PHACTR1: variants seen among roughly 807,000 people sequenced by gnomAD.
PHACTR1 encodes the protein RPEL repeat containing 1.
A neutral mutation model predicts 69.2 loss-of-function variants in PHACTR1; 16 were observed. The observed-to-expected ratio is 0.23, with a 90% CI of 0.16 to 0.35. The LOEUF is 0.35. Among genes scored for constraint, PHACTR1 ranks in the 10% least tolerant of loss-of-function variants. The pLI is 1.00. For missense variants in PHACTR1, 510 were observed against 734.7 expected (o/e 0.69, Z 3.54); for synonymous variants, 312 against 284.5 (o/e 1.10, Z -0.97).
chr6:13,109,437 A>G (rs1000594745), intron 5 of PHACTR1, among the ~76,000 whole-genome samples: 2 of 151,590 alleles, frequency 1.3e-5, no homozygotes, highest in East Asian at 3.9e-4. Flanking sequence ...TTTTTTTTCT[A>G]TAATATAAAC....
At chr6:12,830,421 T>C (rs1561924424) in intron 4 of PHACTR1, among the ~76,000 whole-genome samples, 1 of 151,814 alleles carries the variant, frequency 6.6e-6, no homozygotes, top group Non-Finnish European at 1.5e-5. Context: ...ATATTTAAGC[T>C]CACCTTGATG....
intron 4 of PHACTR1, among the ~76,000 whole-genome samples, chr6:12,834,668 A>C (rs1421690703): frequency 6.6e-6 from 1 of 152,184 alleles, no homozygotes; most frequent in Non-Finnish European, 1.5e-5. Flanking sequence ...TAATACCAAA[A>C]ATAGTTTACC....
intron 4 of PHACTR1, among the ~76,000 whole-genome samples, chr6:12,963,530 C>T (rs954940745): frequency 6.6e-6 from 1 of 151,852 alleles, no homozygotes; most frequent in Non-Finnish European, 1.5e-5. Flanking sequence ...CATTTAGTAA[C>T]TTGTAAAACA....
chr6:12,787,614 C>T (rs996991120), intron 4 of PHACTR1, among the ~76,000 whole-genome samples: 5 of 152,178 alleles, frequency 3.3e-5, no homozygotes, highest in Non-Finnish European at 5.9e-5. Flanking sequence ...CAGTGTGGCT[C>T]TGATTTGCAG....
At chr6:12,808,109 TA>T (rs1387009404) in intron 4 of PHACTR1, among the ~76,000 whole-genome samples, 2 of 152,206 alleles carry the variant, frequency 1.3e-5, no homozygotes, top group South Asian at 2.1e-4. Flanking sequence ...TCTTCACGTT[TA>T]AAAAAGTATT....
intron 4 of PHACTR1, among the ~76,000 whole-genome samples, chr6:13,039,260 G>C (rs1164034030): frequency 6.6e-6 from 1 of 152,186 alleles, no homozygotes; most frequent in African/African-American, 2.4e-5. Flanking sequence ...ATAAATGATA[G>C]AACACTATTC....
chr6:13,270,154 C>CTAA lies in PHACTR1; in HGVS notation c.1392-2705_1392-2703dup, dbSNP rs1777432552. On this transcript the variant is annotated intron_variant, in intron 10 of 14. Coordinates refer to ENST00000332995, the MANE Select transcript of PHACTR1 (RefSeq NM_030948.6). ...TCCCTCTTTGTGTTCAAATAATTTG[C>CTAA]TAAGACAGCTCACAGAACTCAGGGA... Among the ~76,000 whole-genome samples, 5 of 152,348 alleles carry CTAA rather than the reference C, an allele frequency of 3.3e-5. No homozygotes were observed. The South Asian group carries it at 1.0e-3, about 32-fold the overall frequency.
At chr6:13,281,423 G>A (rs1261284326) in intron 12 of PHACTR1, 12 of 306,364 alleles carry the variant, frequency 3.9e-5, no homozygotes, top group South Asian at 2.6e-4. Flanking sequence ...ACAAGGTGGC[G>A]CATACCTGTA....
intron 6 of PHACTR1, among the ~76,000 whole-genome samples, chr6:13,164,599 T>C (rs1247585928): frequency 6.6e-6 from 1 of 152,228 alleles, no homozygotes; most frequent in Non-Finnish European, 1.5e-5. Context: ...TGGTGGAAGA[T>C]AATTTGTCTT....
At chr6:12,908,721 T>G (rs1193282599) in intron 4 of PHACTR1, among the ~76,000 whole-genome samples, 1 of 152,004 alleles carries the variant, frequency 6.6e-6, no homozygotes, top group Non-Finnish European at 1.5e-5. Context: ...ATGCAAAGGT[T>G]AAGAACAGTG....
chr6:12,803,491 C>T (rs1262333628), intron 4 of PHACTR1, among the ~76,000 whole-genome samples: 1 of 152,148 alleles, frequency 6.6e-6, no homozygotes, highest in Non-Finnish European at 1.5e-5. Flanking sequence ...AAAAACGTGC[C>T]AAAACCATGC....
chr6:13,151,454 T>G (rs968551774), intron 5 of PHACTR1, among the ~76,000 whole-genome samples: 1 of 152,244 alleles, frequency 6.6e-6, no homozygotes, highest in African/African-American at 2.4e-5. Flanking sequence ...CCAGAAATTG[T>G]ACATCTAGCT....
At chr6:13,242,578 A>G (rs1013661981) in intron 10 of PHACTR1, among the ~76,000 whole-genome samples, 18 of 152,232 alleles carry the variant, frequency 1.2e-4, no homozygotes. Context: ...ACTAATGCCC[A>G]TGGTCTATAT....
chr6:13,204,214 T>C (rs1216858634), intron 7 of PHACTR1, among the ~76,000 whole-genome samples: 3 of 152,040 alleles, frequency 2.0e-5, no homozygotes, highest in Non-Finnish European at 2.9e-5. Flanking sequence ...AGTCCATGGA[T>C]GGGTTTTAAA....
chr6:12,842,584 C>G (rs1378659050), intron 4 of PHACTR1, among the ~76,000 whole-genome samples: 1 of 152,174 alleles, frequency 6.6e-6, no homozygotes. Context: ...CACTCTCACT[C>G]AGGCTGGAGT....
chr6:13,196,978 C>G (rs1764528060), intron 7 of PHACTR1, among the ~76,000 whole-genome samples: 1 of 152,188 alleles, frequency 6.6e-6, no homozygotes, highest in Admixed American at 6.5e-5. Context: ...TACCTTCCCA[C>G]CCCAGGCTGG....
At chr6:13,198,018 A>G (rs534142884) in intron 7 of PHACTR1, among the ~76,000 whole-genome samples, 24 of 152,140 alleles carry the variant, frequency 1.6e-4, no homozygotes, top group Non-Finnish European at 2.8e-4. Flanking sequence ...CTGCTAGTCC[A>G]TTGGCCACAC....
intron 4 of PHACTR1, among the ~76,000 whole-genome samples, chr6:12,795,895 A>T (rs1442036941): frequency 6.6e-6 from 1 of 152,090 alleles, no homozygotes; most frequent in Non-Finnish European, 1.5e-5. Context: ...AAAAGAATCA[A>T]TTCCTTTTCT....
chr6:12,763,173 A>G (rs763301481), intron 4 of PHACTR1, among the ~76,000 whole-genome samples: 12 of 152,156 alleles, frequency 7.9e-5, no homozygotes, highest in Non-Finnish European at 1.5e-4. Flanking sequence ...AGATCGTGCC[A>G]TTGCACTCCA....
Sources: allele counts gnomAD v4.1 joint callset (sites outside exome capture counted in the v4.1 genomes callset), GRCh38; gene constraint gnomAD v4.1.1; transcripts MANE v1.5; gene names NCBI Gene and HGNC (gene_info 2026-07-23, HGNC 2026-07-21).